Variants in RIMS2 observed in about 807,000 individuals in gnomAD.
The protein encoded by RIMS2 is regulating synaptic membrane exocytosis protein 2.
A neutral mutation model predicts 174.4 loss-of-function variants in RIMS2; 59 were observed. The ratio of observed to expected loss-of-function variants is 0.34; its 90% CI spans 0.27 to 0.42. The LOEUF is 0.42. Among genes scored for constraint, RIMS2 ranks in the 10% least tolerant of loss-of-function variants. The probability of loss-of-function intolerance (pLI) is 1.00; values close to 1 mark genes in which losing one functional copy is unlikely to be tolerated. For synonymous variants in RIMS2, 606 were observed against 572.5 expected, an observed-to-expected ratio of 1.06 and a Z score of -0.84; for missense variants, 1,620 against 1,666.3, an observed-to-expected ratio of 0.97 and a Z score of 0.48.
At chr8:103,876,864 T>TTTTTTATATA (rs1378279723) in intron 3 of RIMS2, among the ~76,000 whole-genome samples, 2 of 68,104 alleles carry the variant, frequency 2.9e-5, no homozygotes, top group African/African-American at 9.3e-5. Context: ...ACACACTATT[T>TTTTTTATATA]TATATATATA....
At chr8:103,692,435 C>A (rs962425159) in intron 1 of RIMS2, among the ~76,000 whole-genome samples, 3 of 152,134 alleles carry the variant, frequency 2.0e-5, no homozygotes, top group Admixed American at 1.3e-4. Context: ...AAAGTTCTTC[C>A]CACTCTTCTC....
rs546381378 is a variant in RIMS2, at chr8:103,715,848, A to G, written c.387+18552A>G. ...ACAATATGTGTAATTCATGAAAATT[A>G]CATTTTATCTACTTTTGATAGTATA... is the stretch of plus-strand genomic sequence containing the variant. On this transcript the variant is annotated intron_variant, in intron 2 of 23. Coordinates refer to ENST00000504942, the Ensembl canonical transcript of RIMS2. Among the ~76,000 whole-genome samples, 3 of 152,280 alleles carry G rather than the reference A, an allele frequency of 2.0e-5. No individual in the cohort carries two copies. In the East Asian group the frequency reaches 5.8e-4, roughly 29 times the overall value.
intron 19 of RIMS2, among the ~76,000 whole-genome samples, chr8:104,118,369 T>TG (rs2098314970): frequency 9.1e-6 from 1 of 110,352 alleles, no homozygotes; most frequent in Non-Finnish European, 1.8e-5. Flanking sequence ...TTTGTTTTTT[T>TG]GTTTTTTTTT....
chr8:103,772,196 G>T (rs984300609), intron 3 of RIMS2, among the ~76,000 whole-genome samples: 1 of 151,734 alleles, frequency 6.6e-6, no homozygotes, highest in African/African-American at 2.4e-5. Context: ...TAAAATAAAA[G>T]CCATCTAGAT....
chr8:104,184,619 T>C (rs977543302), intron 19 of RIMS2, among the ~76,000 whole-genome samples: 2 of 151,600 alleles, frequency 1.3e-5, no homozygotes, highest in Non-Finnish European at 3.0e-5. Flanking sequence ...TCTTTAGAAC[T>C]GCTTCCAAAT....
chr8:103,785,921 G>A (rs2098439255), intron 3 of RIMS2, among the ~76,000 whole-genome samples: 2 of 152,158 alleles, frequency 1.3e-5, no homozygotes, highest in South Asian at 2.1e-4. Context: ...TGGTTGGTAA[G>A]CTATTGATTA....
At chr8:103,621,498 T>G (rs894290411) in intron 1 of RIMS2, among the ~76,000 whole-genome samples, 5 of 152,254 alleles carry the variant, frequency 3.3e-5, no homozygotes, top group African/African-American at 1.2e-4. Context: ...TAATGCTTGC[T>G]TGGACCAGTA....
intron 1 of RIMS2, among the ~76,000 whole-genome samples, chr8:103,654,491 G>A (rs903089872): frequency 6.6e-5 from 10 of 151,878 alleles, no homozygotes; most frequent in African/African-American, 2.4e-4. Flanking sequence ...TTCTTGCTCT[G>A]TGATTTATGT....
At chr8:103,529,558 T>C (rs908397115) in intron 1 of RIMS2, among the ~76,000 whole-genome samples, 8 of 152,234 alleles carry the variant, frequency 5.3e-5, no homozygotes, top group African/African-American at 1.9e-4. Flanking sequence ...GGGAATTCCC[T>C]GACCCCTTCT....
At chr8:103,580,309 T>A (rs2093529014) in intron 1 of RIMS2, among the ~76,000 whole-genome samples, 1 of 151,978 alleles carries the variant, frequency 6.6e-6, no homozygotes, top group Admixed American at 6.6e-5. Flanking sequence ...CCTGTAAAGA[T>A]ACACATAGAC....
chr8:103,644,075 C>T (rs565609240), intron 1 of RIMS2, among the ~76,000 whole-genome samples: 23 of 151,866 alleles, frequency 1.5e-4, no homozygotes, highest in South Asian at 1.5e-3. Flanking sequence ...TGATTTTCAC[C>T]GAGAGAACCC....
chr8:103,591,790 A>G (rs936455658), intron 1 of RIMS2, among the ~76,000 whole-genome samples: 1 of 151,110 alleles, frequency 6.6e-6, no homozygotes, highest in Non-Finnish European at 1.5e-5. Context: ...ACACTGCCTT[A>G]ATTACTATGG....
At chr8:103,965,596 TTTTA>T (rs1217461416) in intron 15 of RIMS2, among the ~76,000 whole-genome samples, 2 of 151,996 alleles carry the variant, frequency 1.3e-5, no homozygotes, top group Admixed American at 1.3e-4. Context: ...ACAAAAAGAG[TTTTA>T]TTTCTTTCTC....
At chr8:104,247,390 G>T (rs574533218) in intron 20 of RIMS2, among the ~76,000 whole-genome samples, 1 of 152,256 alleles carries the variant, frequency 6.6e-6, no homozygotes, top group South Asian at 2.1e-4. Flanking sequence ...CATTTTCTCT[G>T]TGCTTATCTA....
At chr8:104,075,945 T>C (rs2097282323) in intron 19 of RIMS2, among the ~76,000 whole-genome samples, 1 of 152,230 alleles carries the variant, frequency 6.6e-6, no homozygotes, top group Non-Finnish European at 1.5e-5. Context: ...CACAGTCTTC[T>C]AAGCTGTCTA....
At chr8:103,642,423 A>G (rs2096249174) in intron 1 of RIMS2, among the ~76,000 whole-genome samples, 1 of 152,098 alleles carries the variant, frequency 6.6e-6, no homozygotes, top group South Asian at 2.1e-4. Context: ...CAGTATTGCT[A>G]CAGTTCCACA....
intron 22 of RIMS2, among the ~76,000 whole-genome samples, chr8:104,250,460 T>TA (rs1245740981): frequency 1.3e-5 from 2 of 152,154 alleles, no homozygotes; most frequent in South Asian, 2.1e-4. Flanking sequence ...CACTCTGCTA[T>TA]AAAAAAATCA....
intron 19 of RIMS2, among the ~76,000 whole-genome samples, chr8:104,141,821 T>C (rs2098578940): frequency 6.6e-6 from 1 of 152,202 alleles, no homozygotes; most frequent in South Asian, 2.1e-4. Context: ...CTCAGCTAAA[T>C]TGTCTCCTCT....
chr8:104,223,290 A>C, intron 19 of RIMS2: 63 of 711,034 alleles, frequency 8.9e-5, no homozygotes, highest in Non-Finnish European at 9.9e-5. Flanking sequence ...ATTGGCGGGG[A>C]CCGCAGCATC....
Sources: gnomAD v4.1 joint callset for allele counts (sites outside exome capture counted in the v4.1 genomes callset) on GRCh38, gnomAD v4.1.1 for gene constraint, MANE v1.5 for transcripts, NCBI Gene and HGNC (gene_info 2026-07-23, HGNC 2026-07-21) for gene names.